GPHN: variants seen among roughly 807,000 people sequenced by gnomAD.
GPHN encodes gephyrin.
In GPHN, 17 loss-of-function variants were observed where a neutral mutation model predicts 95.5. The ratio of observed to expected loss-of-function variants is 0.18; its 90% CI spans 0.12 to 0.27. The LOEUF is 0.27. GPHN is among the 10% of genes least tolerant of loss of function. The pLI is 1.00. For synonymous variants in GPHN, 320 were observed against 322.5 expected (o/e 0.99, Z 0.08); for missense variants, 660 against 978.1 (o/e 0.67, Z 4.34).
chr14:67,284,455 T>G, the GPHN span, among the ~76,000 whole-genome samples: 6,128 of 107,802 alleles, frequency 0.057, 337 homozygotes, highest in African/African-American at 0.21. Context: ...CAGCTGGGCA[T>G]GGTGGTATGC....
the GPHN span, chr14:67,662,542 A>T: frequency 6.2e-7 from 1 of 1,606,880 alleles, no homozygotes; most frequent in South Asian, 1.1e-5. Flanking sequence ...TCTTCTAGAA[A>T]AGATAGATAA....
the GPHN span, among the ~76,000 whole-genome samples, chr14:67,643,557 T>C: frequency 6.2e-4 from 94 of 152,324 alleles, no homozygotes; most frequent in Non-Finnish European, 1.3e-3. Flanking sequence ...GGCACAGTGG[T>C]GCATGCCTGC....
At chr14:67,236,191 CCTAA>C in the GPHN span, among the ~76,000 whole-genome samples, 1 of 152,208 alleles carries the variant, frequency 6.6e-6, no homozygotes, top group East Asian at 1.9e-4. Flanking sequence ...ACTTATTCCT[CCTAA>C]CTGAAATTTT....
chr14:66,934,138 CA>C (rs376252931), intron 8 of GPHN, among the ~76,000 whole-genome samples: 2,734 of 78,920 alleles, frequency 0.035, 19 homozygotes, highest in African/African-American at 0.045. Context: ...GACTCTGTCT[CA>C]AAAAAAAAAA....
chr14:67,583,682 C>G, the GPHN span: 1 of 1,366,470 alleles, frequency 7.3e-7, no homozygotes, highest in African/African-American at 1.4e-5. Context: ...CTCAACAGCC[C>G]CCACCTGGCC....
chr14:66,871,563 G>T lies in GPHN; in HGVS notation c.295-8376G>T, dbSNP rs908161354. On this transcript the variant is annotated intron_variant, in intron 4 of 22. Transcript: ENST00000478722. ...AACATAGAAGTAGTGTTTCGTCTTGGTAAGTCTCAAAATCATAACAGATAG... is the reference window on the plus strand; with the variant it reads ...AACATAGAAGTAGTGTTTCGTCTTGTTAAGTCTCAAAATCATAACAGATAG... Among the ~76,000 whole-genome samples, 7 of 152,270 alleles carry T rather than the reference G, an allele frequency of 4.6e-5. No individual in the cohort carries two copies. The East Asian group carries it at 1.4e-3, about 29-fold the overall frequency.
At chr14:67,468,432 T>C in the GPHN span, among the ~76,000 whole-genome samples, 1 of 152,190 alleles carries the variant, frequency 6.6e-6, no homozygotes, top group African/African-American at 2.4e-5. Context: ...ACTACAGTCA[T>C]GTACTCACTG....
chr14:66,693,413 A>ATGAT (rs1218462475), intron 2 of GPHN, among the ~76,000 whole-genome samples: 1 of 152,214 alleles, frequency 6.6e-6, no homozygotes, highest in Non-Finnish European at 1.5e-5. Context: ...AACAGAACCA[A>ATGAT]TGATTGATTG....
the GPHN span, chr14:67,359,689 T>C: frequency 1.2e-6 from 2 of 1,614,016 alleles, no homozygotes; most frequent in Admixed American, 3.3e-5. Flanking sequence ...ATTCGGTCTT[T>C]GCCCGACATT....
chr14:66,668,552 G>C (rs1435576493), intron 1 of GPHN, among the ~76,000 whole-genome samples: 1 of 152,128 alleles, frequency 6.6e-6, no homozygotes, highest in Non-Finnish European at 1.5e-5. Flanking sequence ...AATATTACAT[G>C]TTCTTACTTA....
At chr14:66,722,682 A>G (rs1019189450) in intron 2 of GPHN, among the ~76,000 whole-genome samples, 1 of 151,992 alleles carries the variant, frequency 6.6e-6, no homozygotes, top group African/African-American at 2.4e-5. Context: ...GCTTCAAGTG[A>G]TCCCCCCACC....
the GPHN span, chr14:67,724,489 G>A: frequency 9.4e-5 from 152 of 1,612,878 alleles, no homozygotes; most frequent in African/African-American, 1.8e-3. Context: ...CTTTGCTGGT[G>A]GAGTGTGTAG....
chr14:67,152,913 C>T (rs995582025), intron 18 of GPHN, among the ~76,000 whole-genome samples: 3 of 151,004 alleles, frequency 2.0e-5, no homozygotes, highest in Non-Finnish European at 2.9e-5. Context: ...TGCACTGAGC[C>T]AAGATTGTGC....
At chr14:67,653,535 A>G in the GPHN span, 2 of 1,568,550 alleles carry the variant, frequency 1.3e-6, no homozygotes, top group Non-Finnish European at 1.8e-6. Context: ...CCCTCTTTAA[A>G]AAGTATACTC....
rs1257377489 is a variant in GPHN at position 66,566,011 on chromosome 14, GT to G, written c.64+57423del. On this transcript the variant is annotated intron_variant, in intron 1 of 22. Transcript: ENST00000478722. Reference sequence around the variant, plus strand: ...CTATCTATTCATTTTAAGATCTTCTGTTTCTTTCTTATACTATCAGTTTATC... The same window carrying G: ...CTATCTATTCATTTTAAGATCTTCTGTTCTTTCTTATACTATCAGTTTATC... Among the ~76,000 whole-genome samples the G allele has an allele frequency of 4.1e-5, 6 of 146,698 alleles. 1 individual carries two copies. The highest frequency in any genetic ancestry group is 1.5e-4 in the African/African-American group (6 of 39,376).
intron 1 of GPHN, among the ~76,000 whole-genome samples, chr14:66,633,126 C>G (rs1482555175): frequency 6.6e-6 from 1 of 152,110 alleles, no homozygotes; most frequent in African/African-American, 2.4e-5. Flanking sequence ...TAATCATATA[C>G]TGTCACATCA....
At chr14:67,226,179 CTTGTTTATTT>C in the GPHN span, among the ~76,000 whole-genome samples, 1 of 152,090 alleles carries the variant, frequency 6.6e-6, no homozygotes, top group Non-Finnish European at 1.5e-5. Context: ...TGTTTATTTA[CTTGTTTATTT>C]ATTTTTATTT....
chr14:67,012,852 G>T (rs1054411750), intron 9 of GPHN, among the ~76,000 whole-genome samples: 3 of 152,100 alleles, frequency 2.0e-5, no homozygotes, highest in Admixed American at 1.3e-4. Flanking sequence ...TACTTATTCA[G>T]AGAAGTCTTC....
intron 21 of GPHN, among the ~76,000 whole-genome samples, chr14:67,174,379 C>T (rs113081511): frequency 0.051 from 7,735 of 152,182 alleles, 211 homozygotes; most frequent in Middle Eastern, 0.068. Context: ...TGGTTTCCAG[C>T]TTAATCCATG....
Sources: gnomAD v4.1 joint callset for allele counts (sites outside exome capture counted in the v4.1 genomes callset) on GRCh38, gnomAD v4.1.1 for gene constraint, MANE v1.5 for transcripts, NCBI Gene and HGNC (gene_info 2026-07-23, HGNC 2026-07-21) for gene names.